The following CDH4 variants were observed in gnomAD, a reference collection of about 807,000 sequenced individuals.
The protein encoded by CDH4 is cadherin 4.
CDH4 carries 33 observed loss-of-function variants against 86.0 expected under a neutral mutation model. That is an observed-to-expected ratio of 0.38 (90% confidence interval 0.29 to 0.51). The LOEUF (loss-of-function observed/expected upper bound fraction) is 0.51. Among genes scored for constraint, CDH4 ranks in the 20% least tolerant of loss-of-function variants. CDH4 has a pLI of 0.86. For missense variants in CDH4, 1,114 were observed against 1,307.4 expected (o/e 0.85, Z 2.28); for synonymous variants, 555 against 549.4 (o/e 1.01, Z -0.14).
At chr20:61,791,015 G>A (rs143260046) in intron 4 of CDH4, among the ~76,000 whole-genome samples, 106 of 152,280 alleles carry the variant, frequency 7.0e-4, no homozygotes, top group African/African-American at 2.4e-3. Context: ...ACAGCAGCAG[G>A]CCCCTAAGCC....
chr20:61,630,649 T>A (rs6089252), intron 2 of CDH4, among the ~76,000 whole-genome samples: 56,820 of 152,048 alleles, frequency 0.37, 10,789 homozygotes, highest in East Asian at 0.61. Context: ...ATATTGTGAT[T>A]TAAAATTCTC....
rs2085164397 is a variant in CDH4, at chr20:61,419,289, C to T, written c.169+164352C>T. 2.0e-5 allele frequency among the ~76,000 whole-genome samples: 3 copies of T among 152,326 alleles called. No individual in the cohort carries two copies. In the South Asian group the frequency reaches 6.2e-4, roughly 32 times the overall value. On this transcript the variant is annotated intron_variant, in intron 2 of 15. Transcript: ENST00000614565. ...GCTTTTGGTTCTTGTCTCTGCTCAT[C>T]AGTTTCTATCGTACCCCGACAAATA...
At chr20:61,767,095 G>A (rs2088708614) in intron 3 of CDH4, among the ~76,000 whole-genome samples, 1 of 152,248 alleles carries the variant, frequency 6.6e-6, no homozygotes, top group South Asian at 2.1e-4. Flanking sequence ...AGGACTAAAT[G>A]AGACTGTGTC....
chr20:61,351,931 G>C (rs2084715281), intron 2 of CDH4, among the ~76,000 whole-genome samples: 1 of 152,066 alleles, frequency 6.6e-6, no homozygotes, highest in Non-Finnish European at 1.5e-5. Flanking sequence ...TGGCCAGGCT[G>C]GTCTCGAACT....
intron 4 of CDH4, among the ~76,000 whole-genome samples, chr20:61,777,815 C>T (rs1158950781): frequency 1.4e-5 from 2 of 144,846 alleles, no homozygotes; most frequent in African/African-American, 5.3e-5. Context: ...TACAAAAACA[C>T]ACATCCACAT....
At chr20:61,548,109 G>C (rs773525483) in intron 2 of CDH4, among the ~76,000 whole-genome samples, 3 of 152,214 alleles carry the variant, frequency 2.0e-5, no homozygotes, top group Non-Finnish European at 4.4e-5. Flanking sequence ...CCATGCTGGA[G>C]AGTGGGGCTG....
At chr20:61,763,883 G>A (rs2088668173) in intron 3 of CDH4, among the ~76,000 whole-genome samples, 1 of 152,124 alleles carries the variant, frequency 6.6e-6, no homozygotes, top group Admixed American at 6.5e-5. Flanking sequence ...AGCTTGGGAG[G>A]TGCATATGAT....
intron 2 of CDH4, among the ~76,000 whole-genome samples, chr20:61,576,082 G>T (rs1371816274): frequency 6.6e-6 from 1 of 152,188 alleles, no homozygotes; most frequent in Non-Finnish European, 1.5e-5. Context: ...GGTCCAGAGG[G>T]TGTGCTCCCC....
Position 61,414,868 on chromosome 20 carries a change from C to T in CDH4, c.169+159931C>T, listed in dbSNP as rs1449922335. Among the ~76,000 whole-genome samples, 4 of 152,318 alleles carry T rather than the reference C, an allele frequency of 2.6e-5. No individual in the cohort carries two copies. The East Asian group carries it at 5.8e-4, about 22-fold the overall frequency. On this transcript the variant is annotated intron_variant, in intron 2 of 15. Coordinates refer to ENST00000614565, the MANE Select transcript of CDH4 (RefSeq NM_001794.5). The stretch of plus-strand genomic sequence containing the variant: ...GTGAGAGTGGCAGCTGGTCTGGACT[C>T]GTCCTCTTCAGTGAGATGCCTGTGA...
intron 2 of CDH4, among the ~76,000 whole-genome samples, chr20:61,732,311 A>C (rs957651407): frequency 6.6e-6 from 1 of 152,162 alleles, no homozygotes; most frequent in Non-Finnish European, 1.5e-5. Flanking sequence ...GCCTCAGGGA[A>C]AAGGAGCTTT....
At chr20:61,833,770 C>T (rs1274687416) in intron 4 of CDH4, among the ~76,000 whole-genome samples, 2 of 151,916 alleles carry the variant, frequency 1.3e-5, no homozygotes, top group African/African-American at 4.9e-5. Flanking sequence ...ATTACAGACA[C>T]TGCAGATCCT....
intron 2 of CDH4, among the ~76,000 whole-genome samples, chr20:61,390,827 C>T (rs780793471): frequency 6.6e-6 from 1 of 151,850 alleles, no homozygotes; most frequent in Non-Finnish European, 1.5e-5. Context: ...TCTGGGAGAC[C>T]CCGATTGAGA....
chr20:61,263,014 G>A (rs1277098063), intron 2 of CDH4, among the ~76,000 whole-genome samples: 1 of 152,090 alleles, frequency 6.6e-6, no homozygotes, highest in African/African-American at 2.4e-5. Context: ...TTCAAAAAGT[G>A]TGCCTATTAT....
At chr20:61,556,796 C>T (rs1373133988) in intron 2 of CDH4, among the ~76,000 whole-genome samples, 1 of 152,132 alleles carries the variant, frequency 6.6e-6, no homozygotes, top group Non-Finnish European at 1.5e-5. Context: ...CTGTCCTCTG[C>T]ACAGCTGCTG....
chr20:61,295,740 C>T (rs1227679135), intron 2 of CDH4, among the ~76,000 whole-genome samples: 1 of 152,216 alleles, frequency 6.6e-6, no homozygotes, highest in Admixed American at 6.5e-5. Flanking sequence ...GGGAAGGAGG[C>T]GGTGGCCAGG....
At position 61,682,320 on chromosome 20, in the gene CDH4, AGAGG is replaced by A. The variant is rs201428261; in HGVS notation, c.170-61230_170-61227del. ...TGGACAAAGGGACAGATGGAAGGAGAGAGGGAGGGAGGGAGGAAGGGAGAGATAG... is the reference window on the plus strand; with the variant it reads ...TGGACAAAGGGACAGATGGAAGGAGAGAGGGAGGGAGGAAGGGAGAGATAG... On this transcript the variant is annotated intron_variant, in intron 2 of 15. Coordinates refer to ENST00000614565, the MANE Select transcript of CDH4 (RefSeq NM_001794.5). Among the ~76,000 whole-genome samples, 31 of 138,886 alleles carry A rather than the reference AGAGG, an allele frequency of 2.2e-4. No homozygotes were observed. The East Asian group carries it at 2.4e-3, about 11-fold the overall frequency. The allele number at this position is 138,886 out of a possible 152,430, so 91.1% of individuals were successfully genotyped here. A position where few individuals can be genotyped will look rare whatever the true frequency, so the allele number is the denominator to read the frequency against.
In CDH4 at chr20:61,773,106, G is replaced by A. The variant is rs745720030; in HGVS notation, c.500G>A (p.Arg167His). 5.6e-6 allele frequency: 9 copies of A among 1,611,736 alleles called. No homozygotes were observed. The highest frequency in any genetic ancestry group is 2.2e-5 in the South Asian group (2 of 90,616). Residue 167 changes from arginine (R) to histidine (H), a missense_variant, in exon 4 of 16, where the codon CGC becomes CAC. Around this residue, in one of 3 missense-constraint regions of CDH4, gnomAD observed 705 missense variants for 914.1 expected, o/e 0.77. Coordinates refer to ENST00000614565, the MANE Select transcript of CDH4 (RefSeq NM_001794.5). ...CAGAACGCCAACGGGCTGAGGCGGC[G>A]CAAACGGGACTGGGTCATCCCGCCC... ...QHQNANGLRR[R>H]KRDWVIPPIN...
chr20:61,843,886 C>T (rs997925596), intron 4 of CDH4, among the ~76,000 whole-genome samples: 7 of 152,168 alleles, frequency 4.6e-5, no homozygotes, highest in South Asian at 2.1e-4. Flanking sequence ...TTCAAATCTC[C>T]GTGGCCTCCC....
In CDH4 at chr20:61,802,696, G is replaced by A. The variant is rs369380932; in HGVS notation, c.576+29514G>A. 1.4e-4 allele frequency among the ~76,000 whole-genome samples: 21 copies of A among 152,320 alleles called. No individual in the cohort carries two copies. In the East Asian group the frequency reaches 3.3e-3, roughly 24 times the overall value. ...GGAGAAAAGGCAGAGCGCAGCCCTG[G>A]GAGCTGCCTCCCAGCCTGGGGGCCG... On this transcript the variant is annotated intron_variant, in intron 4 of 15. Transcript: ENST00000614565.
Sources: allele counts gnomAD v4.1 joint callset (sites outside exome capture counted in the v4.1 genomes callset), GRCh38; gene constraint gnomAD v4.1.1; regional missense constraint gnomAD v4.1.1; transcripts MANE v1.5; gene names NCBI Gene and HGNC (gene_info 2026-07-23, HGNC 2026-07-21).